GTF2E2: variants seen among roughly 807,000 people sequenced by gnomAD.
GTF2E2 encodes transcription initiation factor IIE subunit beta.
GTF2E2 carries 21 observed loss-of-function variants against 40.5 expected under a neutral mutation model. The observed-to-expected ratio is 0.52, with a 90% CI of 0.37 to 0.75. GTF2E2 has a LOEUF of 0.75. GTF2E2 is among the 30% of genes least tolerant of loss of function. The pLI is 0.00. For synonymous variants in GTF2E2, 117 were observed against 121.6 expected, an observed-to-expected ratio of 0.96 and a Z score of 0.25; for missense variants, 298 against 338.4, an observed-to-expected ratio of 0.88 and a Z score of 0.94.
intron 2 of GTF2E2, chr8:30,645,660 T>C: frequency 1.4e-6 from 2 of 1,429,030 alleles, no homozygotes; most frequent in East Asian, 2.5e-5. Flanking sequence ...AAAAAAAATA[T>C]ATTCTGAGGC....
intron 3 of GTF2E2, among the ~76,000 whole-genome samples, chr8:30,622,516 A>C (rs1385981662): frequency 1.3e-5 from 2 of 151,984 alleles, no homozygotes; most frequent in Non-Finnish European, 2.9e-5. Flanking sequence ...TTGCTAATGA[A>C]GTTTCAGGCA....
intron 2 of GTF2E2, among the ~76,000 whole-genome samples, chr8:30,644,241 T>C (rs924855772): frequency 1.3e-5 from 2 of 152,204 alleles, no homozygotes; most frequent in African/African-American, 2.4e-5. Context: ...AATTCAAGAA[T>C]ACTGAAACTT....
intron 6 of GTF2E2, chr8:30,597,433 G>A (rs1204322024): frequency 6.6e-6 from 1 of 152,224 alleles, no homozygotes; most frequent in Non-Finnish European, 1.5e-5. Flanking sequence ...CTGTGGAGAA[G>A]AGCCTGTGAG....
At chr8:30,629,710 G>C (rs989669279) in intron 3 of GTF2E2, among the ~76,000 whole-genome samples, 3 of 103,164 alleles carry the variant, frequency 2.9e-5, no homozygotes, top group African/African-American at 1.1e-4. Flanking sequence ...AAAAAAAAAA[G>C]ACTGTTGAGC....
chr8:30,583,386 T>TGTTC (rs995753984), intron 6 of GTF2E2, among the ~76,000 whole-genome samples: 1 of 128,776 alleles, frequency 7.8e-6, no homozygotes, highest in African/African-American at 5.0e-5. Context: ...TTCAGTTCAC[T>TGTTC]GTTTGTTTGT....
In GTF2E2 at chr8:30,578,766, CTT is replaced by C; in HGVS notation, c.*153_*154del. On this transcript the variant is annotated 3_prime_UTR_variant, in exon 8 of 8. Transcript: ENST00000355904. The stretch of plus-strand genomic sequence containing the variant: ...CATGAGCCCATTCTACTCAAATAAG[CTT>C]TGAGTTTGGTAATTTGCACTTGTTT... 1.7e-6 allele frequency: 1 copy of C among 579,042 alleles called. No homozygotes were observed. Among genetic ancestry groups the C allele is most frequent in the East Asian group, 3.0e-5 (1 of 33,570 alleles). 35.9% of individuals were successfully genotyped at this position (579,042 alleles called of 1,614,324 possible). A position where few individuals can be genotyped will look rare whatever the true frequency, so the allele number is the denominator to read the frequency against.
chr8:30,637,816 C>T (rs1407615541), intron 2 of GTF2E2, among the ~76,000 whole-genome samples: 1 of 152,234 alleles, frequency 6.6e-6, no homozygotes, highest in South Asian at 2.1e-4. Flanking sequence ...CCACCGCTCC[C>T]AGCCTTCATC....
intron 6 of GTF2E2, among the ~76,000 whole-genome samples, chr8:30,587,982 A>G (rs1828732903): frequency 6.6e-6 from 1 of 152,118 alleles, no homozygotes; most frequent in Non-Finnish European, 1.5e-5. Flanking sequence ...CAACTGGGGC[A>G]GAGACTTAAA....
chr8:30,636,879 G>T, intron 2 of GTF2E2: 2 of 357,862 alleles, frequency 5.6e-6, no homozygotes, highest in Non-Finnish European at 5.3e-6. Context: ...AAAAAAGAAT[G>T]CCTTATAGGT....
intron 3 of GTF2E2, among the ~76,000 whole-genome samples, chr8:30,615,530 TCCA>T (rs550040587): frequency 4.5e-4 from 68 of 152,260 alleles, no homozygotes; most frequent in Admixed American, 8.5e-4. Flanking sequence ...GCACATCCAT[TCCA>T]CTACACAGAT....
chr8:30,642,891 T>G lies in GTF2E2; in HGVS notation c.167-7768A>C, dbSNP rs370326357. ...CCTGACTGCCTCTTTCTATTTATTT[T>G]TGAGGTAAGGGGACCTGAAAATATT... On this transcript the variant is annotated intron_variant, in intron 2 of 7. Coordinates refer to ENST00000355904, the MANE Select transcript of GTF2E2 (RefSeq NM_002095.6). 2.1e-3 allele frequency among the ~76,000 whole-genome samples: 314 copies of G among 152,344 alleles called. 2 individuals carry two copies. The highest frequency in any genetic ancestry group is 7.3e-3 in the African/African-American group (303 of 41,584).
rs1240715599 is a variant in GTF2E2 at position 30,605,833 on chromosome 8, C to T, written c.643+1224G>A. ...GCGCCACCAAGCCTGGCTAATTTTT[C>T]AGTTTTTAATAGAGATAGGGTCTCA... On this transcript the variant is annotated intron_variant, in intron 6 of 7. Transcript: ENST00000355904. Among the ~76,000 whole-genome samples, 3 of 152,010 alleles carry T rather than the reference C, an allele frequency of 2.0e-5. No homozygotes were observed. In the East Asian group the frequency reaches 5.8e-4, roughly 29 times the overall value.
At chr8:30,645,272 T>G in intron 2 of GTF2E2, 1 of 1,506,254 alleles carries the variant, frequency 6.6e-7, no homozygotes, top group Non-Finnish European at 8.8e-7. Flanking sequence ...TTTTCTACCT[T>G]TTTTATAGAT....
chr8:30,606,291 C>A (rs16877216), intron 6 of GTF2E2, among the ~76,000 whole-genome samples: 1 of 152,202 alleles, frequency 6.6e-6, no homozygotes, highest in Non-Finnish European at 1.5e-5. Flanking sequence ...AAAGCCCTAT[C>A]TACCAGAACC....
chr8:30,628,697 C>G (rs186354668), intron 3 of GTF2E2, among the ~76,000 whole-genome samples: 146 of 151,990 alleles, frequency 9.6e-4, no homozygotes, highest in African/African-American at 3.4e-3. Flanking sequence ...TTTGAGAGGC[C>G]GAGGCAGGCA....
chr8:30,580,859 G>GA lies in GTF2E2; in HGVS notation c.644-464dup, dbSNP rs571180179. Among the ~76,000 whole-genome samples, 13 of 152,236 alleles carry GA rather than the reference G, an allele frequency of 8.5e-5. No individual in the cohort carries two copies. In the South Asian group the frequency reaches 2.7e-3, roughly 32 times the overall value. On this transcript the variant is annotated intron_variant, in intron 6 of 7. Coordinates refer to ENST00000355904, the MANE Select transcript of GTF2E2 (RefSeq NM_002095.6). ...CAATTTATCTGCAAAAAAGACTTTT[G>GA]AAATCAAATAACCTGGTAACTGGTG...
At chr8:30,623,598 T>C (rs1179407848) in intron 3 of GTF2E2, among the ~76,000 whole-genome samples, 3 of 152,062 alleles carry the variant, frequency 2.0e-5, no homozygotes, top group Non-Finnish European at 4.4e-5. Context: ...CACACTGACT[T>C]CTACAATGGT....
intron 6 of GTF2E2, among the ~76,000 whole-genome samples, chr8:30,590,738 T>A (rs1338095765): frequency 6.6e-6 from 1 of 151,958 alleles, no homozygotes; most frequent in Non-Finnish European, 1.5e-5. Context: ...TCACCCAGGC[T>A]GGAGTGCAGT....
intron 7 of GTF2E2, 136 bp from the exon 8 acceptor site, chr8:30,579,173 A>G (rs1828438338): frequency 5.9e-6 from 4 of 675,680 alleles, no homozygotes; most frequent in Admixed American, 2.0e-5. Flanking sequence ...GCCACCCAGC[A>G]GCACACATGG....
Sources: gnomAD v4.1 joint callset for allele counts (sites outside exome capture counted in the v4.1 genomes callset) on GRCh38, gnomAD v4.1.1 for gene constraint, MANE v1.5 for transcripts, NCBI Gene and HGNC (gene_info 2026-07-23, HGNC 2026-07-21) for gene names.